Variants in ANKAR observed in about 807,000 individuals in gnomAD.
ANKAR encodes ankyrin and armadillo repeat containing, also known as ankyrin and armadillo repeat-containing protein.
Under a neutral mutation model 146.2 loss-of-function variants are expected in ANKAR, and 136 were observed. That is an observed-to-expected ratio of 0.93 (90% CI 0.81 to 1.07). The LOEUF (loss-of-function observed/expected upper bound fraction) is 1.07, where lower values mean the gene tolerates loss of function less well. Ranked by LOEUF, ANKAR falls within the 50% of genes least tolerant of loss-of-function variation. The probability of loss-of-function intolerance (pLI) is 0.00; values close to 1 mark genes in which losing one functional copy is unlikely to be tolerated. For missense variants in ANKAR, 1,567 were observed against 1,679.9 expected, an observed-to-expected ratio of 0.93 and a Z score of 1.18; for synonymous variants, 500 against 575.8, an observed-to-expected ratio of 0.87 and a Z score of 1.88.
chr2:189,728,875 G>A, intron 15 of ANKAR, 54 bp downstream of exon 15: 1 of 1,518,036 alleles, frequency 6.6e-7, no homozygotes, highest in African/African-American at 1.4e-5. Flanking sequence ...AGAACAGATT[G>A]CGCAGAGAAG....
At chr2:189,758,813 G>C (rs995830165) in intron 18 of ANKAR, among the ~76,000 whole-genome samples, 1 of 152,224 alleles carries the variant, frequency 6.6e-6, no homozygotes, top group Non-Finnish European at 1.5e-5. Flanking sequence ...TGTATAAATT[G>C]TGAAAGTATT....
At chr2:189,724,164 A>G (rs552417563) in intron 12 of ANKAR, among the ~76,000 whole-genome samples, 1 of 152,246 alleles carries the variant, frequency 6.6e-6, no homozygotes, top group South Asian at 2.1e-4. Flanking sequence ...GGGTAGAGGA[A>G]TTTCTACTTT....
At chr2:189,754,582 A>G (rs1306799050) in intron 18 of ANKAR, 2 of 465,302 alleles carry the variant, frequency 4.3e-6, no homozygotes, top group Non-Finnish European at 7.5e-6. Flanking sequence ...TTGCTCTTCT[A>G]TTGGTTGGAA....
chr2:189,677,335 G>A (rs1038861587), intron 2 of ANKAR, among the ~76,000 whole-genome samples: 3 of 152,024 alleles, frequency 2.0e-5, no homozygotes, highest in South Asian at 4.2e-4. Flanking sequence ...GTGGTTTTTG[G>A]TTACATGGCT....
chr2:189,717,188 C>T (rs1253824285), intron 10 of ANKAR, among the ~76,000 whole-genome samples: 6 of 151,970 alleles, frequency 3.9e-5, no homozygotes, highest in East Asian at 1.9e-4. Context: ...TGCAATCTAC[C>T]CATCTGACAA....
At chr2:189,719,139 T>C (rs1020577471) in intron 10 of ANKAR, among the ~76,000 whole-genome samples, 5 of 152,242 alleles carry the variant, frequency 3.3e-5, no homozygotes, top group African/African-American at 1.2e-4. Context: ...TTTTTGTTTT[T>C]CACATCCTTG....
At chr2:189,714,586 A>C (rs1208326032) in intron 10 of ANKAR, among the ~76,000 whole-genome samples, 2 of 152,256 alleles carry the variant, frequency 1.3e-5, no homozygotes, top group African/African-American at 2.4e-5. Context: ...ACAATGTACC[A>C]GAATCTCTGG....
chr2:189,705,950 A>G (rs932220273), intron 8 of ANKAR, among the ~76,000 whole-genome samples: 3 of 151,602 alleles, frequency 2.0e-5, no homozygotes, highest in Non-Finnish European at 1.5e-5. Flanking sequence ...CCTTTCCACT[A>G]TTATTCAGTG....
intron 4 of ANKAR, 107 bp from the exon 5 acceptor site, chr2:189,692,967 A>G (rs1296185572): frequency 3.5e-6 from 2 of 563,404 alleles, no homozygotes; most frequent in Non-Finnish European, 6.0e-6. Flanking sequence ...CTGGAATAGT[A>G]AATTTAAAAT....
chr2:189,697,974 A>G (rs1189650875), intron 7 of ANKAR, among the ~76,000 whole-genome samples: 2 of 152,098 alleles, frequency 1.3e-5, no homozygotes, highest in Admixed American at 6.6e-5. Context: ...CTTGCCAGAT[A>G]CATCTACATA....
At chr2:189,744,672 TTCTTCATATA>T in intron 21 of ANKAR, 60 bp from the exon 22 acceptor site, 1 of 1,145,960 alleles carries the variant, frequency 8.7e-7, no homozygotes, top group Non-Finnish European at 1.3e-6. Context: ...CTTCATATAC[TTCTTCATATA>T]TTTTTTCTGG....
intron 10 of ANKAR, among the ~76,000 whole-genome samples, chr2:189,718,959 C>T (rs2105776922): frequency 6.6e-6 from 1 of 151,622 alleles, no homozygotes; most frequent in South Asian, 2.1e-4. Flanking sequence ...CCTTGTTAGC[C>T]AGGATGGTCT....
intron 18 of ANKAR, 138 bp from the exon 19 acceptor site, chr2:189,738,427 C>A: frequency 1.7e-6 from 1 of 572,904 alleles, no homozygotes; most frequent in Non-Finnish European, 3.1e-6. Context: ...CCACATGCTG[C>A]TTCTATTGAA....
chr2:189,710,984 G>A, intron 9 of ANKAR, 65 bp from the exon 10 acceptor site: 1 of 1,374,148 alleles, frequency 7.3e-7, no homozygotes, highest in Non-Finnish European at 1.0e-6. Context: ...ACAAAAAACA[G>A]AATCAAGCAT....
intron 1 of ANKAR, chr2:189,676,123 A>T (rs1654434868): frequency 9.9e-6 from 2 of 202,414 alleles, no homozygotes; most frequent in Non-Finnish European, 2.0e-5. Flanking sequence ...ACACGAACAT[A>T]TACAAAAGAA....
At chr2:189,741,904 CTTATAA>C (rs2043372632) in intron 20 of ANKAR, among the ~76,000 whole-genome samples, 1 of 152,126 alleles carries the variant, frequency 6.6e-6, no homozygotes, top group Non-Finnish European at 1.5e-5. Flanking sequence ...GACAAAGAAA[CTTATAA>C]TTGTTTACTA....
At chr2:189,706,508 A>G (rs1574503997) in intron 8 of ANKAR, among the ~76,000 whole-genome samples, 2 of 152,324 alleles carry the variant, frequency 1.3e-5, no homozygotes, top group Non-Finnish European at 2.9e-5. Flanking sequence ...CAAAACTGTT[A>G]GTTTCTGCCA....
chr2:189,678,430 T>C (rs905716799), intron 2 of ANKAR, among the ~76,000 whole-genome samples: 1 of 152,224 alleles, frequency 6.6e-6, no homozygotes, highest in African/African-American at 2.4e-5. Context: ...TTAGAAGCTT[T>C]TTAGTTTAAT....
In ANKAR at chr2:189,728,282, G is replaced by T; in HGVS notation, c.2893G>T (p.Val965Phe). ...TTAAAAATAGGCATTTCAAATAGAT[G>T]TTAAGGAACAAGGAGCTGTTGCACT... ...LKLLKAFQID[V>F]KEQGAVALWA... Residue 965 changes from valine to phenylalanine, a missense_variant, in exon 14 of 23, where the codon GTT becomes TTT. Transcript: ENST00000684021. The T allele has an allele frequency of 6.2e-7, 1 of 1,603,542 alleles. No individual in the cohort carries two copies. Among genetic ancestry groups the T allele is most frequent in the Non-Finnish European group, 8.5e-7 (1 of 1,177,524 alleles).
Sources: allele counts gnomAD v4.1 joint callset (sites outside exome capture counted in the v4.1 genomes callset), GRCh38; gene constraint gnomAD v4.1.1; transcripts MANE v1.5; gene names NCBI Gene and HGNC (gene_info 2026-07-23, HGNC 2026-07-21).